The following RANBP9 variants were observed in gnomAD, a reference collection of about 807,000 sequenced individuals.
RANBP9 encodes RAN binding protein 9.
RANBP9 carries 15 observed loss-of-function variants against 84.3 expected under a neutral mutation model. That is an observed-to-expected ratio of 0.18 (90% CI 0.12 to 0.27). The LOEUF (loss-of-function observed/expected upper bound fraction) is 0.27. Among genes scored for constraint, RANBP9 ranks in the 10% least tolerant of loss-of-function variants. RANBP9 has a pLI of 1.00. For synonymous variants in RANBP9, 392 were observed against 349.6 expected, an observed-to-expected ratio of 1.12 and a Z score of -1.35; for missense variants, 809 against 912.8, an observed-to-expected ratio of 0.89 and a Z score of 1.46.
intron 1 of RANBP9, among the ~76,000 whole-genome samples, chr6:13,698,850 A>C (rs1381602633): frequency 6.6e-6 from 1 of 152,210 alleles, no homozygotes; most frequent in African/African-American, 2.4e-5. Context: ...CTGGGATTTA[A>C]ATTCAAGAAA....
chr6:13,690,205 T>A (rs1469025263), intron 2 of RANBP9, among the ~76,000 whole-genome samples: 5 of 152,202 alleles, frequency 3.3e-5, no homozygotes, highest in African/African-American at 1.2e-4. Context: ...GGTCCTCTAG[T>A]AAGAACTATG....
At chr6:13,637,762 T>C (rs372024489) in intron 10 of RANBP9, 46 bp downstream of exon 10, 1 of 1,479,476 alleles carries the variant, frequency 6.8e-7, no homozygotes, top group Admixed American at 2.2e-5. Flanking sequence ...ATTACACCTA[T>C]AACTAGGTTG....
intron 4 of RANBP9, among the ~76,000 whole-genome samples, 165 bp from the exon 5 acceptor site, chr6:13,652,846 T>C (rs546942334): frequency 1.3e-5 from 2 of 152,306 alleles, no homozygotes; most frequent in East Asian, 1.9e-4. Flanking sequence ...TACTAACATA[T>C]GTCTGAGTGA....
chr6:13,651,719 G>C (rs1765301933), intron 5 of RANBP9, among the ~76,000 whole-genome samples: 2 of 151,812 alleles, frequency 1.3e-5, no homozygotes, highest in Non-Finnish European at 2.9e-5. Context: ...TTTCAACTAA[G>C]CAATCACAGT....
At position 13,711,163 on chromosome 6, in the gene RANBP9, C is replaced by T. The variant is rs1327173880; in HGVS notation, c.343G>A (p.Ala115Thr). The T allele has an allele frequency of 2.0e-6, 3 of 1,465,388 alleles. No homozygotes were observed. The Admixed American group carries it at 7.1e-5, about 35-fold the overall frequency. The allele number at this position is 1,465,388 out of a possible 1,614,324, so 90.8% of individuals were successfully genotyped here. A position where few individuals can be genotyped will look rare whatever the true frequency, so the allele number is the denominator to read the frequency against. ...AGAGCTGGGGTCGGGGCTCCTCCAG[C>T]CGGGCCGGGGCCCGCTGCAAGGCCC... Reference protein sequence around the residue: ...PPGLAAGPGPAGGAPTPALVA... With the variant: ...PPGLAAGPGPTGGAPTPALVA... Residue 115 changes from alanine to threonine, a missense_variant, in exon 1 of 14, where the codon GCT becomes ACT. This residue lies in a region of RANBP9 where 302 missense variants were observed against 240.1 expected (regional missense o/e 1.26). Transcript: ENST00000011619.
chr6:13,681,873 T>G (rs1766049334), intron 2 of RANBP9, among the ~76,000 whole-genome samples: 1 of 152,080 alleles, frequency 6.6e-6, no homozygotes, highest in African/African-American at 2.4e-5. Flanking sequence ...CTTTCCTTTT[T>G]TTTTTGAGAG....
At chr6:13,709,404 C>T (rs1478748627) in intron 1 of RANBP9, among the ~76,000 whole-genome samples, 1 of 152,184 alleles carries the variant, frequency 6.6e-6, no homozygotes, top group African/African-American at 2.4e-5. Flanking sequence ...ACTTTATGAG[C>T]AAATTATTTA....
At chr6:13,662,918 A>AG (rs1765566314) in intron 2 of RANBP9, among the ~76,000 whole-genome samples, 1 of 152,180 alleles carries the variant, frequency 6.6e-6, no homozygotes, top group African/African-American at 2.4e-5. Context: ...TGAAGGACAG[A>AG]GAAAAAAAGG....
At chr6:13,647,814 A>G (rs1280377617) in intron 5 of RANBP9, among the ~76,000 whole-genome samples, 1 of 152,204 alleles carries the variant, frequency 6.6e-6, no homozygotes, top group Non-Finnish European at 1.5e-5. Context: ...AAAAGTAAGT[A>G]TAATTGTTAT....
At chr6:13,659,590 T>C (rs1012379585) in intron 2 of RANBP9, among the ~76,000 whole-genome samples, 1 of 152,132 alleles carries the variant, frequency 6.6e-6, no homozygotes. Flanking sequence ...CACAATACAC[T>C]TGTAAGTATT....
intron 5 of RANBP9, among the ~76,000 whole-genome samples, chr6:13,649,015 T>A (rs1279731999): frequency 2.0e-5 from 3 of 152,216 alleles, no homozygotes; most frequent in African/African-American, 7.2e-5. Flanking sequence ...GTATAAACAC[T>A]TATATTCCAT....
chr6:13,635,874 T>G (rs1207962608), intron 10 of RANBP9, among the ~76,000 whole-genome samples: 3 of 151,998 alleles, frequency 2.0e-5, no homozygotes, highest in Non-Finnish European at 4.4e-5. Context: ...AACACACATT[T>G]AAGAGCCTCT....
Position 13,648,108 on chromosome 6 carries a change from T to C in RANBP9, c.928-3379A>G, listed in dbSNP as rs576180690. Among the ~76,000 whole-genome samples, 8 of 149,714 alleles carry C rather than the reference T, an allele frequency of 5.3e-5. No individual in the cohort carries two copies. In the East Asian group the frequency reaches 1.6e-3, roughly 29 times the overall value. ...GCCCATTCTGGACATTTTGCATAAATGGAACAACAAAATATGTGATCTTAT... is the reference window on the plus strand; with the variant it reads ...GCCCATTCTGGACATTTTGCATAAACGGAACAACAAAATATGTGATCTTAT... On this transcript the variant is annotated intron_variant, in intron 5 of 13. Transcript: ENST00000011619.
intron 2 of RANBP9, among the ~76,000 whole-genome samples, chr6:13,672,436 AG>A (rs1765797756): frequency 6.6e-6 from 1 of 152,182 alleles, no homozygotes; most frequent in South Asian, 2.1e-4. Flanking sequence ...AATTAATAAA[AG>A]TTTCTAAGGA....
chr6:13,711,656 G>C lies in RANBP9; in HGVS notation c.-151C>G. The C allele has an allele frequency of 3.3e-6, 2 of 604,972 alleles. No individual in the cohort carries two copies. The highest frequency in any genetic ancestry group is 4.6e-6 in the Non-Finnish European group (2 of 434,806). The allele number at this position is 604,972 out of a possible 1,614,324, so 37.5% of individuals were successfully genotyped here. On this transcript the variant is annotated 5_prime_UTR_variant, in exon 1 of 14. Transcript: ENST00000011619. ...CGGGCCGCGCGCCCAGGGAGACCGC[G>C]GCGGTTGAGGAGCTCGGAGACGCGG...
At chr6:13,676,526 C>G (rs548032869) in intron 2 of RANBP9, among the ~76,000 whole-genome samples, 1 of 152,080 alleles carries the variant, frequency 6.6e-6, no homozygotes, top group South Asian at 2.1e-4. Flanking sequence ...ACAAATATCT[C>G]TTATGAACAC....
chr6:13,707,611 A>G (rs892544695), intron 1 of RANBP9, among the ~76,000 whole-genome samples: 1 of 152,216 alleles, frequency 6.6e-6, no homozygotes, highest in African/African-American at 2.4e-5. Context: ...AAAATTTTCA[A>G]TCCTGATTTA....
chr6:13,664,531 G>A (rs1765605749), intron 2 of RANBP9, among the ~76,000 whole-genome samples: 1 of 151,904 alleles, frequency 6.6e-6, no homozygotes, highest in African/African-American at 2.4e-5. Context: ...TACATACACA[G>A]CTTAATAGAA....
intron 13 of RANBP9, 61 bp from the exon 14 acceptor site, chr6:13,622,553 C>G (rs367639789): frequency 1.4e-6 from 2 of 1,473,104 alleles, no homozygotes; most frequent in Non-Finnish European, 1.8e-6. Flanking sequence ...AAAAACATTT[C>G]AATCAGGAGA....
Sources: gnomAD v4.1 joint callset for allele counts (sites outside exome capture counted in the v4.1 genomes callset) on GRCh38, gnomAD v4.1.1 for gene constraint, gnomAD v4.1.1 regional missense constraint, MANE v1.5 for transcripts, NCBI Gene and HGNC (gene_info 2026-07-23, HGNC 2026-07-21) for gene names.